CGGBP1: variants seen among roughly 807,000 people sequenced by gnomAD.
CGGBP1 encodes the protein CGG triplet repeat binding protein 1.
Under a neutral mutation model 11.4 loss-of-function variants are expected in CGGBP1, and 4 were observed. The observed-to-expected ratio is 0.35, with a 90% CI of 0.17 to 0.80. The LOEUF is 0.80. Ranked by LOEUF, CGGBP1 falls within the 30% of genes least tolerant of loss-of-function variation. The pLI, the probability that CGGBP1 is intolerant of heterozygous loss-of-function variation, is 0.52. For synonymous variants in CGGBP1, 76 were observed against 74.1 expected (o/e 1.03, Z -0.13); for missense variants, 135 against 202.1 (o/e 0.67, Z 2.01).
At chr3:88,089,010 TG>T (rs1271504357) in intron 2 of CGGBP1, among the ~76,000 whole-genome samples, 1 of 151,796 alleles carries the variant, frequency 6.6e-6, no homozygotes, top group East Asian at 1.9e-4. Flanking sequence ...TGACCTCAGA[TG>T]ATCTACCCAC....
upstream of CGGBP1, chr3:88,059,517 G>A (rs1706714672): frequency 2.1e-6 from 3 of 1,463,028 alleles, no homozygotes; most frequent in African/African-American, 2.9e-5. Context: ...TGAGGCGTCC[G>A]TTGGCCGCCC....
intron 2 of CGGBP1, among the ~76,000 whole-genome samples, chr3:88,105,762 CT>C (rs1704699008): frequency 6.6e-6 from 1 of 152,082 alleles, no homozygotes; most frequent in African/African-American, 2.4e-5. Flanking sequence ...TATTTTTCTT[CT>C]TGTGACTGAA....
At chr3:88,130,281 T>TA (rs1263926744) in intron 2 of CGGBP1, among the ~76,000 whole-genome samples, 2 of 152,164 alleles carry the variant, frequency 1.3e-5, no homozygotes, top group Non-Finnish European at 2.9e-5. Context: ...ACAAAACTCT[T>TA]ACCACTTTGC....
chr3:88,146,660 C>T (rs1707318598), intron 1 of CGGBP1, among the ~76,000 whole-genome samples: 1 of 152,162 alleles, frequency 6.6e-6, no homozygotes, highest in Non-Finnish European at 1.5e-5. Context: ...TGGCTCCAGT[C>T]ATATTTAAAC....
In CGGBP1 at chr3:88,052,540, C is replaced by T. The variant is rs1247822025; in HGVS notation, c.*2933G>A. On this transcript the variant is annotated 3_prime_UTR_variant, in exon 4 of 4. Coordinates refer to ENST00000482016, the MANE Select transcript of CGGBP1 (RefSeq NM_001008390.2). ...AAATTCTTACAGGCAAAAGTTTTAA[C>T]GTGGAAGTTTCAGCTTGGAGATCTT... 6.6e-6 allele frequency: 1 copy of T among 152,648 alleles called. No individual in the cohort carries two copies. Among genetic ancestry groups the T allele is most frequent in the Non-Finnish European group, 1.5e-5 (1 of 68,002 alleles). The allele number at this position is 152,648 out of a possible 1,614,324, so 9.5% of individuals were successfully genotyped here.
intron 2 of CGGBP1, among the ~76,000 whole-genome samples, chr3:88,070,431 T>C (rs938250823): frequency 6.7e-6 from 1 of 149,526 alleles, no homozygotes; most frequent in South Asian, 2.1e-4. Flanking sequence ...CCAAATTTCT[T>C]TTTTTTTTTA....
At chr3:88,107,847 A>G (rs1478966345) in intron 2 of CGGBP1, among the ~76,000 whole-genome samples, 7 of 152,028 alleles carry the variant, frequency 4.6e-5, no homozygotes, top group Admixed American at 1.3e-4. Context: ...TATATTTTCA[A>G]TGTCATCATT....
chr3:88,116,559 T>TACACACACACACACACACAC (rs140401038), intron 2 of CGGBP1, among the ~76,000 whole-genome samples: 51 of 146,654 alleles, frequency 3.5e-4, no homozygotes, highest in African/African-American at 1.2e-3. Context: ...CATACATATA[T>TACACACACACACACACACAC]ATACACACAC....
chr3:88,059,277 G>C, upstream of CGGBP1: 1 of 1,532,598 alleles, frequency 6.5e-7, no homozygotes, highest in Non-Finnish European at 8.7e-7. Context: ...TACGGCGGCG[G>C]CGGCGGCGCA....
intron 2 of CGGBP1, among the ~76,000 whole-genome samples, chr3:88,109,142 A>ATGTGT (rs1553697145): frequency 4.2e-5 from 6 of 142,434 alleles, no homozygotes; most frequent in Non-Finnish European, 9.2e-5. Flanking sequence ...AGTGGGCACT[A>ATGTGT]GTGTGTGTGT....
intron 1 of CGGBP1, among the ~76,000 whole-genome samples, 159 bp downstream of exon 1, chr3:88,058,656 G>T (rs1042443589): frequency 1.3e-5 from 2 of 152,180 alleles, no homozygotes; most frequent in African/African-American, 4.8e-5. Flanking sequence ...GCGCCTGGCG[G>T]AGGCGGCCGC....
upstream of CGGBP1, among the ~76,000 whole-genome samples, chr3:88,061,913 C>A (rs569393558): frequency 6.6e-6 from 1 of 152,020 alleles, no homozygotes; most frequent in East Asian, 1.9e-4. Context: ...AGTGGTGTTT[C>A]AAAGAAAGGC....
intron 1 of CGGBP1, among the ~76,000 whole-genome samples, chr3:88,147,365 A>G (rs1402104818): frequency 6.6e-6 from 1 of 152,224 alleles, no homozygotes. Context: ...GGAAACAGCC[A>G]TTCAGATATC....
chr3:88,116,138 T>G (rs956738056), intron 2 of CGGBP1, among the ~76,000 whole-genome samples: 2 of 152,100 alleles, frequency 1.3e-5, no homozygotes, highest in Non-Finnish European at 2.9e-5. Flanking sequence ...GTCAATCTCA[T>G]TCTTGTTGCT....
chr3:88,133,553 A>G (rs1241725598), intron 2 of CGGBP1, among the ~76,000 whole-genome samples: 5 of 152,008 alleles, frequency 3.3e-5, no homozygotes. Flanking sequence ...CCTTTGAAAG[A>G]TAAGTTCATC....
At chr3:88,111,749 A>G (rs545362806) in intron 2 of CGGBP1, among the ~76,000 whole-genome samples, 8 of 152,110 alleles carry the variant, frequency 5.3e-5, no homozygotes, top group African/African-American at 1.7e-4. Flanking sequence ...TACATTTTAA[A>G]TTGTGATGAG....
chr3:88,135,821 G>A (rs540725985), intron 2 of CGGBP1, among the ~76,000 whole-genome samples: 4 of 151,978 alleles, frequency 2.6e-5, no homozygotes, highest in African/African-American at 9.6e-5. Context: ...ATAAGACTTC[G>A]AGTATAAAGA....
intron 1 of CGGBP1, among the ~76,000 whole-genome samples, chr3:88,147,460 C>T (rs967264040): frequency 6.6e-6 from 1 of 152,112 alleles, no homozygotes; most frequent in Non-Finnish European, 1.5e-5. Flanking sequence ...ATAAGGGAAC[C>T]ACTGACTAGT....
rs57224738 is a variant in CGGBP1, at chr3:88,117,282, A to G, written c.-229+23688T>C. ...TACTTTTTAATTTTGGGGATAAAGG[A>G]AAGTTCCTGAAAATGTAGGACTCAT... is the stretch of plus-strand genomic sequence containing the variant. On this transcript the variant is annotated intron_variant, in intron 2 of 3. Transcript: ENST00000462901. Among the ~76,000 whole-genome samples the G allele has an allele frequency of 3.0e-3, 461 of 152,312 alleles. 3 individuals are homozygous for G. Among genetic ancestry groups the G allele is most frequent in the African/African-American group, 0.011 (443 of 41,582 alleles).
Sources: gnomAD v4.1 joint callset for allele counts (sites outside exome capture counted in the v4.1 genomes callset) on GRCh38, gnomAD v4.1.1 for gene constraint, MANE v1.5 for transcripts, NCBI Gene and HGNC (gene_info 2026-07-23, HGNC 2026-07-21) for gene names.